EXOC4: variants seen among roughly 807,000 people sequenced by gnomAD.
EXOC4 encodes exocyst complex component 4, also known as SEC8-like 1.
In EXOC4, 71 loss-of-function variants were observed where a neutral mutation model predicts 107.2. That is an observed-to-expected ratio of 0.66 (90% CI 0.55 to 0.81). The LOEUF (loss-of-function observed/expected upper bound fraction) is 0.81, where lower values mean the gene tolerates loss of function less well. EXOC4 is among the 30% of genes least tolerant of loss of function. The pLI is 0.00. For synonymous variants in EXOC4, 456 were observed against 441.2 expected (o/e 1.03, Z -0.42); for missense variants, 1,108 against 1,189.6 (o/e 0.93, Z 1.01).
At chr7:133,539,780 C>A (rs1359062504) in intron 9 of EXOC4, among the ~76,000 whole-genome samples, 1 of 151,814 alleles carries the variant, frequency 6.6e-6, no homozygotes, top group African/African-American at 2.4e-5. Context: ...ATTGATGGGG[C>A]CTGAATTTTT....
intron 5 of EXOC4, among the ~76,000 whole-genome samples, chr7:133,327,596 A>C (rs187582294): frequency 0.018 from 2,803 of 152,118 alleles, 32 homozygotes; most frequent in Non-Finnish European, 0.028. Context: ...TTTCCCTCCA[A>C]ACACTGCTTT....
At chr7:133,849,587 C>T (rs1798200827) in intron 11 of EXOC4, among the ~76,000 whole-genome samples, 1 of 152,068 alleles carries the variant, frequency 6.6e-6, no homozygotes, top group African/African-American at 2.4e-5. Flanking sequence ...CGTGAAAGTC[C>T]TAAAAATTTA....
At chr7:133,624,291 A>G (rs543747168) in intron 9 of EXOC4, among the ~76,000 whole-genome samples, 17 of 152,258 alleles carry the variant, frequency 1.1e-4, no homozygotes, top group African/African-American at 3.6e-4. Flanking sequence ...TTTAATATTG[A>G]TTATTTTTAA....
chr7:133,852,296 C>T (rs1309092776), intron 11 of EXOC4, among the ~76,000 whole-genome samples: 1 of 150,088 alleles, frequency 6.7e-6, no homozygotes, highest in South Asian at 2.1e-4. Context: ...AATCTCTGCT[C>T]ACCTCAACCT....
chr7:134,051,542 C>G (rs1447249877), intron 17 of EXOC4, among the ~76,000 whole-genome samples: 3 of 151,762 alleles, frequency 2.0e-5, no homozygotes, highest in Admixed American at 1.3e-4. Flanking sequence ...TGTGGTGGCA[C>G]ATGCCTGTAA....
At chr7:133,949,011 G>A (rs1470467806) in intron 14 of EXOC4, among the ~76,000 whole-genome samples, 1 of 152,210 alleles carries the variant, frequency 6.6e-6, no homozygotes, top group Non-Finnish European at 1.5e-5. Context: ...ATGCAATGCT[G>A]TGTGCCTAAT....
chr7:133,490,726 A>G (rs752883061), intron 9 of EXOC4, among the ~76,000 whole-genome samples: 4 of 152,226 alleles, frequency 2.6e-5, no homozygotes, highest in Non-Finnish European at 4.4e-5. Flanking sequence ...TAAGAGATTA[A>G]GAATTGATAA....
intron 9 of EXOC4, among the ~76,000 whole-genome samples, chr7:133,584,601 CAG>C (rs1801357771): frequency 2.6e-5 from 2 of 77,418 alleles, no homozygotes; most frequent in Admixed American, 4.3e-4. Flanking sequence ...TTTTTTGAGA[CAG>C]AGTCTCGCTC....
chr7:133,356,619 A>C, intron 6 of EXOC4, 46 bp downstream of exon 6: 4 of 1,603,416 alleles, frequency 2.5e-6, no homozygotes, highest in Non-Finnish European at 3.4e-6. Flanking sequence ...TATTTATTGC[A>C]CATTTTCTAG....
intron 10 of EXOC4, among the ~76,000 whole-genome samples, chr7:133,692,527 A>T (rs956810374): frequency 3.3e-5 from 5 of 152,194 alleles, no homozygotes; most frequent in African/African-American, 1.2e-4. Context: ...TGTGAATGGG[A>T]AGATGGAACA....
chr7:133,353,376 T>G (rs1371980634), intron 5 of EXOC4, among the ~76,000 whole-genome samples: 1 of 152,150 alleles, frequency 6.6e-6, no homozygotes, highest in Non-Finnish European at 1.5e-5. Flanking sequence ...TTTTTCCCAA[T>G]CACTTTTGAA....
At chr7:133,676,959 G>GTGTGTGTGTGTA (rs1554382525) in intron 10 of EXOC4, among the ~76,000 whole-genome samples, 3,856 of 138,632 alleles carry the variant, frequency 0.028, 33 homozygotes, top group East Asian at 0.076. Flanking sequence ...GTGTGTGTAT[G>GTGTGTGTGTGTA]TGTGTGTGTG....
At chr7:133,503,344 A>G (rs1015709360) in intron 9 of EXOC4, among the ~76,000 whole-genome samples, 2 of 152,202 alleles carry the variant, frequency 1.3e-5, no homozygotes, top group Admixed American at 6.5e-5. Context: ...ACCATACGTC[A>G]TTTATATAAT....
chr7:133,633,291 C>G (rs752053144), intron 10 of EXOC4, among the ~76,000 whole-genome samples: 4 of 152,150 alleles, frequency 2.6e-5, no homozygotes, highest in Non-Finnish European at 4.4e-5. Flanking sequence ...CTCAGCAGTT[C>G]CCTCTCCTAA....
At chr7:133,565,824 G>A (rs1396703368) in intron 9 of EXOC4, among the ~76,000 whole-genome samples, 6 of 152,104 alleles carry the variant, frequency 3.9e-5, no homozygotes, top group Admixed American at 1.3e-4. Context: ...TCCTTCCCAG[G>A]TGATCCTACT....
At chr7:134,020,441 A>G (rs917622761) in intron 17 of EXOC4, among the ~76,000 whole-genome samples, 1 of 152,060 alleles carries the variant, frequency 6.6e-6, no homozygotes, top group Admixed American at 6.5e-5. Context: ...CTTATCTCCT[A>G]CTGCAGGCAG....
intron 10 of EXOC4, among the ~76,000 whole-genome samples, chr7:133,649,476 T>TC (rs1472291750): frequency 1.6e-4 from 18 of 115,944 alleles, no homozygotes; most frequent in African/African-American, 5.1e-4. Context: ...TCTTTTTTTT[T>TC]TTTTTTTTTA....
chr7:134,059,092 C>T (rs78549895), intron 17 of EXOC4, among the ~76,000 whole-genome samples: 2,659 of 152,266 alleles, frequency 0.017, 69 homozygotes, highest in African/African-American at 0.059. Context: ...GCAAAGCTTT[C>T]CTCAGAGACC....
chr7:133,490,113 G>A (rs1799344847), intron 9 of EXOC4, among the ~76,000 whole-genome samples: 1 of 152,168 alleles, frequency 6.6e-6, no homozygotes, highest in Non-Finnish European at 1.5e-5. Flanking sequence ...AGGCAGCACT[G>A]AAGGAAAGCT....
Sources: gnomAD v4.1 joint callset for allele counts (sites outside exome capture counted in the v4.1 genomes callset) on GRCh38, gnomAD v4.1.1 for gene constraint, MANE v1.5 for transcripts, NCBI Gene and HGNC (gene_info 2026-07-23, HGNC 2026-07-21) for gene names.